RGS6: variants seen among roughly 807,000 people sequenced by gnomAD.
The protein encoded by RGS6 is regulator of G-protein signaling 6.
RGS6 carries 30 observed loss-of-function variants against 78.5 expected under a neutral mutation model. That is an observed-to-expected ratio of 0.38 (90% CI 0.29 to 0.52). The LOEUF (loss-of-function observed/expected upper bound fraction) is 0.52, where lower values mean the gene tolerates loss of function less well. RGS6 is among the 20% of genes least tolerant of loss of function. The probability of loss-of-function intolerance (pLI) is 0.85; values close to 1 mark genes in which losing one functional copy is unlikely to be tolerated. For missense variants in RGS6, 495 were observed against 609.7 expected (o/e 0.81, Z 1.98); for synonymous variants, 206 against 206.0 (o/e 1.00, Z 0.00).
chr14:71,994,617 A>G (rs1365997115), intron 2 of RGS6, among the ~76,000 whole-genome samples: 2 of 152,152 alleles, frequency 1.3e-5, no homozygotes, highest in Admixed American at 1.3e-4. Flanking sequence ...TGTAATTAGT[A>G]AAGATGAGGT....
chr14:72,062,991 T>C (rs775183724), intron 2 of RGS6, among the ~76,000 whole-genome samples: 4 of 151,860 alleles, frequency 2.6e-5, no homozygotes, highest in Non-Finnish European at 5.9e-5. Flanking sequence ...GCCCAGGTAA[T>C]TTCTGTATTT....
chr14:72,112,227 C>G (rs1438103365), intron 2 of RGS6, among the ~76,000 whole-genome samples: 1 of 152,182 alleles, frequency 6.6e-6, no homozygotes, highest in South Asian at 2.1e-4. Flanking sequence ...CAACACATGC[C>G]ATGTAGTTAG....
At chr14:72,091,631 A>G (rs2095271554) in intron 2 of RGS6, among the ~76,000 whole-genome samples, 2 of 152,198 alleles carry the variant, frequency 1.3e-5, no homozygotes, top group Non-Finnish European at 1.5e-5. Flanking sequence ...TTTAAAGAGA[A>G]TGTAAATGGT....
intron 16 of RGS6, chr14:72,537,795 T>C (rs564247864): frequency 7.4e-6 from 4 of 540,824 alleles, no homozygotes; most frequent in African/African-American, 3.8e-5. Flanking sequence ...GCTCTGGTAG[T>C]TTAACCAGTC....
intron 13 of RGS6, among the ~76,000 whole-genome samples, chr14:72,503,496 C>A (rs2096756061): frequency 6.9e-6 from 1 of 145,884 alleles, no homozygotes; most frequent in Non-Finnish European, 1.5e-5. Context: ...CAGCTGTGAA[C>A]TTGTGAAACC....
At chr14:72,004,482 A>G (rs2084123879) in intron 2 of RGS6, among the ~76,000 whole-genome samples, 1 of 152,156 alleles carries the variant, frequency 6.6e-6, no homozygotes, top group Non-Finnish European at 1.5e-5. Context: ...TTTGCTTATT[A>G]TATTAGCAAA....
At chr14:72,031,922 C>T (rs2153342804) in intron 2 of RGS6, among the ~76,000 whole-genome samples, 1 of 152,256 alleles carries the variant, frequency 6.6e-6, no homozygotes, top group African/African-American at 2.4e-5. Flanking sequence ...TTAATGTTTG[C>T]AGTGCCAATA....
intron 15 of RGS6, among the ~76,000 whole-genome samples, chr14:72,523,972 C>T (rs1172051656): frequency 6.6e-6 from 1 of 152,116 alleles, no homozygotes; most frequent in Non-Finnish European, 1.5e-5. Context: ...GCCTTAGTTT[C>T]CTCATCTGGG....
At chr14:71,889,495 G>A in the RGS6 span, among the ~76,000 whole-genome samples, 2 of 152,080 alleles carry the variant, frequency 1.3e-5, no homozygotes, top group South Asian at 4.1e-4. Context: ...GAAACTGGAG[G>A]GTGGAGAAGG....
chr14:72,311,920 G>C (rs1449529485), intron 2 of RGS6, among the ~76,000 whole-genome samples: 1 of 152,176 alleles, frequency 6.6e-6, no homozygotes, highest in Non-Finnish European at 1.5e-5. Context: ...TAAATCAAAA[G>C]ATTGCAAGGG....
intron 2 of RGS6, among the ~76,000 whole-genome samples, chr14:72,136,603 G>A (rs1180099784): frequency 6.6e-6 from 1 of 152,084 alleles, no homozygotes; most frequent in East Asian, 1.9e-4. Context: ...ACAGTATTGG[G>A]GAAATCACTC....
At chr14:72,407,327 G>A (rs1242931705) in intron 3 of RGS6, among the ~76,000 whole-genome samples, 1 of 152,186 alleles carries the variant, frequency 6.6e-6, no homozygotes, top group Non-Finnish European at 1.5e-5. Flanking sequence ...TTGGAGAACC[G>A]TCTTGGAGTC....
intron 2 of RGS6, among the ~76,000 whole-genome samples, chr14:72,255,520 C>T (rs2056884643): frequency 6.6e-6 from 1 of 152,192 alleles, no homozygotes; most frequent in Non-Finnish European, 1.5e-5. Flanking sequence ...GAGTTCTAGA[C>T]TGAAGTCTCT....
chr14:71,944,655 G>A (rs769251222), intron 1 of RGS6, among the ~76,000 whole-genome samples: 9 of 152,182 alleles, frequency 5.9e-5, no homozygotes, highest in Admixed American at 1.3e-4. Context: ...CATCAGATCT[G>A]GAAGAGACAG....
chr14:72,566,934 G>T (rs1001942339), downstream of RGS6, among the ~76,000 whole-genome samples: 1 of 152,160 alleles, frequency 6.6e-6, no homozygotes, highest in Non-Finnish European at 1.5e-5. Context: ...TACAGACGGT[G>T]CTTCTTACAC....
intron 2 of RGS6, among the ~76,000 whole-genome samples, chr14:72,097,277 A>G (rs756791356): frequency 1.3e-5 from 2 of 152,238 alleles, no homozygotes; most frequent in African/African-American, 2.4e-5. Flanking sequence ...GTGTGTGGCC[A>G]TCTCCTCTTG....
At chr14:72,320,138 G>C (rs2071498083) in intron 2 of RGS6, among the ~76,000 whole-genome samples, 1 of 152,322 alleles carries the variant, frequency 6.6e-6, no homozygotes, top group Non-Finnish European at 1.5e-5. Flanking sequence ...AGATTGCAGA[G>C]AGTAATGCCC....
At chr14:72,411,285 T>C (rs969989082) in intron 3 of RGS6, among the ~76,000 whole-genome samples, 5 of 152,210 alleles carry the variant, frequency 3.3e-5, no homozygotes, top group East Asian at 3.8e-4. Flanking sequence ...AGGTCATTCA[T>C]ATCCCTTGTC....
intron 2 of RGS6, among the ~76,000 whole-genome samples, chr14:72,172,788 T>C (rs149662): frequency 0.81 from 122,471 of 151,720 alleles, 49,508 homozygotes; most frequent in East Asian, 0.94. Flanking sequence ...ACCTGAGGAC[T>C]TGAATGTCTA....
Sources: gnomAD v4.1 joint callset for allele counts (sites outside exome capture counted in the v4.1 genomes callset) on GRCh38, gnomAD v4.1.1 for gene constraint, MANE v1.5 for transcripts, NCBI Gene and HGNC (gene_info 2026-07-23, HGNC 2026-07-21) for gene names.